USP3: variants seen among roughly 807,000 people sequenced by gnomAD.
USP3 encodes the protein ubiquitin carboxyl-terminal hydrolase 3.
USP3 carries 20 observed loss-of-function variants against 72.3 expected under a neutral mutation model. The observed-to-expected ratio is 0.28, with a 90% CI of 0.19 to 0.40. The LOEUF is 0.40. USP3 is among the 10% of genes least tolerant of loss of function. The probability of loss-of-function intolerance (pLI) is 1.00; values close to 1 mark genes in which losing one functional copy is unlikely to be tolerated. For synonymous variants in USP3, 222 were observed against 225.3 expected, an observed-to-expected ratio of 0.99 and a Z score of 0.13; for missense variants, 479 against 633.9, an observed-to-expected ratio of 0.76 and a Z score of 2.62.
At chr15:63,545,851 G>T (rs988343012) in intron 3 of USP3, among the ~76,000 whole-genome samples, 1 of 151,298 alleles carries the variant, frequency 6.6e-6, no homozygotes, top group African/African-American at 2.4e-5. Flanking sequence ...CGTGTCTGTA[G>T]TCTCAGCTAC....
Position 63,589,018 on chromosome 15 carries a change from A to G in USP3, c.1397+7A>G. ...TGGTGCACCATGGTTCCGGGTGAGT[A>G]CAACAGCCAGCTTCTGGTGGGTGGG... On this transcript the variant is annotated splice_region_variant and intron_variant, in intron 14 of 14. Transcript: ENST00000380324. The G allele has an allele frequency of 6.2e-7, 1 of 1,612,976 alleles. No individual in the cohort carries two copies. The highest frequency in any genetic ancestry group is 1.1e-5 in the South Asian group (1 of 91,024).
intron 1 of USP3, among the ~76,000 whole-genome samples, chr15:63,523,636 A>G (rs1595711745): frequency 6.6e-6 from 1 of 152,224 alleles, no homozygotes; most frequent in African/African-American, 2.4e-5. Context: ...CTTCCTTTTT[A>G]GGTCAGTTGT....
chr15:63,512,531 C>T (rs536281469), intron 1 of USP3, among the ~76,000 whole-genome samples: 92 of 151,972 alleles, frequency 6.1e-4, no homozygotes, highest in African/African-American at 2.1e-3. Context: ...CCGAAACCTC[C>T]ACTCCCAGGT....
intron 1 of USP3, among the ~76,000 whole-genome samples, chr15:63,512,344 CTCCTCT>C (rs1175011010): frequency 4.3e-4 from 31 of 72,506 alleles, no homozygotes; most frequent in Admixed American, 4.1e-3. Context: ...CCTCCTCTTC[CTCCTCT>C]TCCTCTTCTT....
chr15:63,561,800 G>C lies in USP3; in HGVS notation c.648-1095G>C, dbSNP rs534879235. ...AGTCAAAAATATGATTTGTATTCCA[G>C]GGACCTATGTGATTGTGAGGGTTGA... On this transcript the variant is annotated intron_variant, in intron 7 of 14. Coordinates refer to ENST00000380324, the MANE Select transcript of USP3 (RefSeq NM_006537.4). Among the ~76,000 whole-genome samples, 3 of 152,312 alleles carry C rather than the reference G, an allele frequency of 2.0e-5. No homozygotes were observed. The East Asian group carries it at 5.8e-4, about 29-fold the overall frequency.
chr15:63,578,228 C>T (rs540488459), intron 11 of USP3, among the ~76,000 whole-genome samples: 1 of 151,820 alleles, frequency 6.6e-6, no homozygotes. Flanking sequence ...GAGCCGAGAT[C>T]GTGCCACTGC....
At chr15:63,517,048 T>A (rs76395909) in intron 1 of USP3, among the ~76,000 whole-genome samples, 2 of 151,790 alleles carry the variant, frequency 1.3e-5, no homozygotes, top group Admixed American at 6.6e-5. Flanking sequence ...TTTTTTTTTT[T>A]ATTATATTAT....
chr15:63,526,961 C>A (rs1187721569), intron 1 of USP3, among the ~76,000 whole-genome samples: 1 of 152,180 alleles, frequency 6.6e-6, no homozygotes, highest in African/African-American at 2.4e-5. Flanking sequence ...GTGGTGTGAT[C>A]TCGACTCACT....
rs1274736766 is a variant in USP3 at position 63,544,153 on chromosome 15, C to A, written c.284+6997C>A. ...TCTAGCTCATTCTTTAAAAATTATT[C>A]TTTTTTGTAATATATAATTTAGATT... On this transcript the variant is annotated intron_variant, in intron 3 of 14. Transcript: ENST00000380324. The surrounding 1 kb of genome is among the most constrained non-coding windows in gnomAD (Gnocchi z 4.2). The A allele has an allele frequency of 6.7e-6, 1 of 148,230 alleles. No individual in the cohort carries two copies. Among genetic ancestry groups the A allele is most frequent in the Non-Finnish European group, 1.5e-5 (1 of 67,184 alleles). 9.2% of individuals were successfully genotyped at this position (148,230 alleles called of 1,614,324 possible).
At chr15:63,542,993 G>GT in intron 3 of USP3, among the ~76,000 whole-genome samples, 1 of 152,316 alleles carries the variant, frequency 6.6e-6, no homozygotes. Flanking sequence ...AGGATTAAAT[G>GT]TAAGACACTT....
chr15:63,507,185 A>T (rs2065724762), intron 1 of USP3, among the ~76,000 whole-genome samples: 1 of 151,962 alleles, frequency 6.6e-6, no homozygotes, highest in Non-Finnish European at 1.5e-5. Context: ...TTATGTTCTT[A>T]TTAAGGAGGG....
rs2066291212 is a variant in USP3 at position 63,544,454 on chromosome 15, T to C, written c.284+7298T>C. On this transcript the variant is annotated intron_variant, in intron 3 of 14. Transcript: ENST00000380324. The surrounding 1 kb of genome is among the most constrained non-coding windows in gnomAD (Gnocchi z 4.2). ...TAGCTGGATTTCAATCCAAAGTTAT[T>C]GTTTTGACTTTAGTAGACTAGTGTT... The C allele has an allele frequency of 4.3e-6, 2 of 466,596 alleles. No homozygotes were observed. The highest frequency in any genetic ancestry group is 6.8e-5 in the South Asian group (2 of 29,230). 28.9% of individuals were successfully genotyped at this position (466,596 alleles called of 1,614,324 possible). A position where few individuals can be genotyped will look rare whatever the true frequency, so the allele number is the denominator to read the frequency against.
intron 1 of USP3, among the ~76,000 whole-genome samples, chr15:63,515,699 A>C (rs2065841853): frequency 6.6e-6 from 1 of 152,268 alleles, no homozygotes; most frequent in Non-Finnish European, 1.5e-5. Flanking sequence ...AAAAGATAAA[A>C]ATTGAGCAAT....
intron 1 of USP3, among the ~76,000 whole-genome samples, chr15:63,507,770 A>C (rs1443915880): frequency 6.6e-6 from 1 of 152,034 alleles, no homozygotes; most frequent in African/African-American, 2.4e-5. Flanking sequence ...ACCCCTTTAC[A>C]CTCTTAAAAA....
rs372958545 is a variant in USP3 at position 63,519,440 on chromosome 15, TGG to T, written c.92-13206_92-13205del. The stretch of plus-strand genomic sequence containing the variant: ...GTTTGAGTTTTCAGAGGTTTCTTCA[TGG>T]TTAGATTCAGGTAATGCATTTTTGG... On this transcript the variant is annotated intron_variant, in intron 1 of 14. Transcript: ENST00000380324. 3.5e-4 allele frequency among the ~76,000 whole-genome samples: 54 copies of T among 152,292 alleles called. 1 individual carries two copies. The East Asian group carries it at 0.01, about 28-fold the overall frequency.
Position 63,593,629 on chromosome 15 carries a change from T to G in USP3, c.*2803T>G, listed in dbSNP as rs116485530. The G allele has an allele frequency of 8.9e-4, 136 of 152,388 alleles. 1 individual carries two copies. Among genetic ancestry groups the G allele is most frequent in the African/African-American group, 3.2e-3 (135 of 41,592 alleles). 9.4% of individuals were successfully genotyped at this position (152,388 alleles called of 1,614,324 possible). On this transcript the variant is annotated 3_prime_UTR_variant, in exon 15 of 15. Transcript: ENST00000380324. ...TTGGTTTTACTTGAACAGAAACGTTTGAATGGTGTGAAGATTCTTTAGAAA... is the reference window on the plus strand; with the variant it reads ...TTGGTTTTACTTGAACAGAAACGTTGGAATGGTGTGAAGATTCTTTAGAAA...
rs572427014 is a variant in USP3 at position 63,589,084 on chromosome 15, A to G, written c.1397+73A>G. 59 of 1,529,280 alleles carry G rather than the reference A, an allele frequency of 3.9e-5. No homozygotes were observed. In the East Asian group the frequency reaches 1.3e-3, roughly 33 times the overall value. The allele number at this position is 1,529,280 out of a possible 1,614,324, so 94.7% of individuals were successfully genotyped here. A position where few individuals can be genotyped will look rare whatever the true frequency, so the allele number is the denominator to read the frequency against. ...GCCCAATGACCTGCAGTTTTGTACC[A>G]CTCTTGCTAGTTCTTCCTAAAAAAT... On this transcript the variant is annotated intron_variant, in intron 14 of 14. Coordinates refer to ENST00000380324, the MANE Select transcript of USP3 (RefSeq NM_006537.4).
rs1480803820 is a variant in USP3, at chr15:63,559,841, C to T, written c.534-16C>T. 2 of 1,596,812 alleles carry T rather than the reference C, an allele frequency of 1.3e-6. No homozygotes were observed. Among genetic ancestry groups the T allele is most frequent in the East Asian group, 2.3e-5 (1 of 44,188 alleles). On this transcript the variant is annotated splice_polypyrimidine_tract_variant and intron_variant, in intron 6 of 14. Coordinates refer to ENST00000380324, the MANE Select transcript of USP3 (RefSeq NM_006537.4). ...TCTTTTCTTTTTAAAATATTTTTCC[C>T]TTCCTTTTAAAATAGTAACATTGAG...
rs1320710529 is a variant in USP3 at position 63,588,834 on chromosome 15, T to C, written c.1329+19T>C. ...ACTAGAGGTAAGGTGGTTACCTTTT[T>C]AGCATGGTGAAAAAATGGCTCTTCA... On this transcript the variant is annotated intron_variant, in intron 13 of 14. Transcript: ENST00000380324. This position sits in a 1 kb window ranked among gnomAD's most constrained non-coding sequence, Gnocchi z 4.6. 1.2e-6 allele frequency: 2 copies of C among 1,611,168 alleles called. No homozygotes were observed. Among genetic ancestry groups the C allele is most frequent in the African/African-American group, 2.7e-5 (2 of 74,852 alleles).
Sources: gnomAD v4.1 joint callset for allele counts (sites outside exome capture counted in the v4.1 genomes callset) on GRCh38, gnomAD v4.1.1 for gene constraint, Gnocchi (gnomAD v3.1) non-coding constraint, MANE v1.5 for transcripts, NCBI Gene and HGNC (gene_info 2026-07-23, HGNC 2026-07-21) for gene names.